The following CTIF variants were observed in gnomAD, a reference collection of about 807,000 sequenced individuals.
The protein encoded by CTIF is cap binding complex dependent translation initiation factor, also known as CBP80/20-dependent translation initiation factor.
Under a neutral mutation model 66.0 loss-of-function variants are expected in CTIF, and 21 were observed. The ratio of observed to expected loss-of-function variants is 0.32; its 90% CI spans 0.23 to 0.46. The LOEUF is 0.46. Among genes scored for constraint, CTIF ranks in the 20% least tolerant of loss-of-function variants. The probability of loss-of-function intolerance (pLI) is 1.00; values close to 1 mark genes in which losing one functional copy is unlikely to be tolerated. For missense variants in CTIF, 739 were observed against 812.7 expected, an observed-to-expected ratio of 0.91 and a Z score of 1.10; for synonymous variants, 345 against 326.4, an observed-to-expected ratio of 1.06 and a Z score of -0.62.
At chr18:48,846,024 T>C (rs2069063919) in intron 10 of CTIF, among the ~76,000 whole-genome samples, 2 of 152,224 alleles carry the variant, frequency 1.3e-5, no homozygotes, top group African/African-American at 4.8e-5. Flanking sequence ...GATAGGATCT[T>C]TCTAAACTAC....
intron 9 of CTIF, among the ~76,000 whole-genome samples, chr18:48,807,846 T>C (rs904219573): frequency 1.3e-5 from 2 of 152,184 alleles, no homozygotes; most frequent in African/African-American, 4.8e-5. Context: ...CCTCCCAAAG[T>C]GATGGGATTA....
intron 10 of CTIF, among the ~76,000 whole-genome samples, chr18:48,825,385 GGGA>G (rs1212452187): frequency 6.6e-6 from 1 of 152,238 alleles, no homozygotes; most frequent in Non-Finnish European, 1.5e-5. Context: ...GCACAGGCCA[GGGA>G]GGAGAACACA....
intron 3 of CTIF, among the ~76,000 whole-genome samples, chr18:48,639,431 G>A (rs545284138): frequency 6.6e-6 from 1 of 152,266 alleles, no homozygotes; most frequent in African/African-American, 2.4e-5. Context: ...ATGAGATGGG[G>A]CCCAGGGGGC....
At chr18:48,590,718 A>C (rs2089870051) in intron 1 of CTIF, among the ~76,000 whole-genome samples, 1 of 152,196 alleles carries the variant, frequency 6.6e-6, no homozygotes, top group Non-Finnish European at 1.5e-5. Context: ...GGGAGCACGC[A>C]AATTGGGAAA....
At chr18:48,574,850 G>T (rs1212329397) in intron 1 of CTIF, among the ~76,000 whole-genome samples, 1 of 152,162 alleles carries the variant, frequency 6.6e-6, no homozygotes, top group African/African-American at 2.4e-5. Context: ...TCTTGAGGTA[G>T]GTGACTTCCT....
rs1274348866 is a variant in CTIF at position 48,815,513 on chromosome 18, A to G, written c.1372-1708A>G. On this transcript the variant is annotated intron_variant, in intron 9 of 11. Transcript: ENST00000256413. ...TGCTGTTACTGTTTTACATATAAAT[A>G]TAGATATCAAAATAGTTATAGATAC... is the stretch of plus-strand genomic sequence containing the variant. 3.3e-5 allele frequency among the ~76,000 whole-genome samples: 5 copies of G among 152,352 alleles called. No individual in the cohort carries two copies. The South Asian group carries it at 8.3e-4, about 25-fold the overall frequency.
intron 5 of CTIF, among the ~76,000 whole-genome samples, chr18:48,665,439 G>C (rs1186655599): frequency 6.6e-6 from 1 of 152,150 alleles, no homozygotes. Flanking sequence ...GGGACAAATG[G>C]CTGCTCCTTC....
intron 6 of CTIF, among the ~76,000 whole-genome samples, chr18:48,687,575 T>C (rs1326095734): frequency 6.6e-6 from 1 of 152,126 alleles, no homozygotes; most frequent in African/African-American, 2.4e-5. Context: ...TGCCCCTTCC[T>C]GGTGGGAAAG....
In CTIF at chr18:48,675,526, G is replaced by A. The variant is rs546610815; in HGVS notation, c.507+4782G>A. ...GGCGTCTTCACCGGCCATGCCTCCT[G>A]GTCAGCGCTGCACATGCACACTGTC... On this transcript the variant is annotated intron_variant, in intron 6 of 11. Transcript: ENST00000256413. Among the ~76,000 whole-genome samples, 18 of 152,340 alleles carry A rather than the reference G, an allele frequency of 1.2e-4. No individual in the cohort carries two copies. In the East Asian group the frequency reaches 3.5e-3, roughly 29 times the overall value.
chr18:48,750,522 T>A (rs895968923), intron 7 of CTIF, among the ~76,000 whole-genome samples: 1 of 151,986 alleles, frequency 6.6e-6, no homozygotes, highest in African/African-American at 2.4e-5. Context: ...CGAAAAACAA[T>A]CCCCGAGCCC....
chr18:48,641,869 C>T (rs1209103687), intron 3 of CTIF, among the ~76,000 whole-genome samples: 1 of 152,210 alleles, frequency 6.6e-6, no homozygotes, highest in Non-Finnish European at 1.5e-5. Flanking sequence ...TGGGCACCAA[C>T]ATTGACTCCG....
At chr18:48,607,534 T>C (rs190761794) in intron 1 of CTIF, among the ~76,000 whole-genome samples, 108 of 152,344 alleles carry the variant, frequency 7.1e-4, no homozygotes, top group African/African-American at 2.5e-3. Flanking sequence ...GAATCCATCA[T>C]GAAACTGTCA....
chr18:48,797,205 G>A (rs529402105), intron 9 of CTIF, among the ~76,000 whole-genome samples: 84 of 152,270 alleles, frequency 5.5e-4, no homozygotes, highest in African/African-American at 2.0e-3. Context: ...CTTTCTGGCT[G>A]GGCACGATGG....
intron 6 of CTIF, among the ~76,000 whole-genome samples, chr18:48,678,463 C>T (rs970766802): frequency 6.6e-6 from 1 of 151,878 alleles, no homozygotes; most frequent in Non-Finnish European, 1.5e-5. Flanking sequence ...GGCGCCCATA[C>T]AATAAATGGG....
At chr18:48,649,055 A>G (rs2091105931) in intron 3 of CTIF, among the ~76,000 whole-genome samples, 1 of 152,196 alleles carries the variant, frequency 6.6e-6, no homozygotes, top group Non-Finnish European at 1.5e-5. Context: ...AAGACAGGTG[A>G]CTTCTGCATT....
intron 5 of CTIF, among the ~76,000 whole-genome samples, chr18:48,667,234 AC>A (rs2091452686): frequency 6.6e-6 from 1 of 152,140 alleles, no homozygotes; most frequent in African/African-American, 2.4e-5. Context: ...TGCGGTGTAG[AC>A]ATACAGACTA....
At chr18:48,671,191 G>A (rs571685180) in intron 6 of CTIF, among the ~76,000 whole-genome samples, 5 of 152,300 alleles carry the variant, frequency 3.3e-5, no homozygotes, top group African/African-American at 1.2e-4. Flanking sequence ...TGTCTGCTAT[G>A]CTTGCTCTTT....
intron 7 of CTIF, among the ~76,000 whole-genome samples, chr18:48,733,576 C>T (rs771588025): frequency 2.0e-5 from 3 of 152,210 alleles, no homozygotes; most frequent in African/African-American, 7.2e-5. Flanking sequence ...CTCTGGCCCC[C>T]CTCCCTGGCA....
chr18:48,683,498 T>C (rs550975857), intron 6 of CTIF, among the ~76,000 whole-genome samples: 141 of 151,586 alleles, frequency 9.3e-4, no homozygotes, highest in African/African-American at 3.2e-3. Context: ...GCCCTCCTTC[T>C]GGATCCAAGC....
Sources: gnomAD v4.1 joint callset for allele counts (sites outside exome capture counted in the v4.1 genomes callset) on GRCh38, gnomAD v4.1.1 for gene constraint, MANE v1.5 for transcripts, NCBI Gene and HGNC (gene_info 2026-07-23, HGNC 2026-07-21) for gene names.